The following SLC24A2 variants were observed in gnomAD, a reference collection of about 807,000 sequenced individuals.
SLC24A2 encodes the protein sodium/potassium/calcium exchanger 2.
In SLC24A2, 36 loss-of-function variants were observed where a neutral mutation model predicts 62.0. That is an observed-to-expected ratio of 0.58 (90% CI 0.44 to 0.77). The LOEUF is 0.77. SLC24A2 is among the 30% of genes least tolerant of loss of function. The probability of loss-of-function intolerance (pLI) is 0.00; values close to 1 mark genes in which losing one functional copy is unlikely to be tolerated. For synonymous variants in SLC24A2, 358 were observed against 294.0 expected (o/e 1.22, Z -2.23); for missense variants, 846 against 817.9 (o/e 1.03, Z -0.42).
chr9:19,575,827 A>C (rs1835994136), intron 6 of SLC24A2, among the ~76,000 whole-genome samples: 1 of 152,256 alleles, frequency 6.6e-6, no homozygotes, highest in African/African-American at 2.4e-5. Flanking sequence ...CAGAAAAAAT[A>C]GCTTGTGTAG....
chr9:20,254,360 C>G, the SLC24A2 span, among the ~76,000 whole-genome samples: 1 of 152,170 alleles, frequency 6.6e-6, no homozygotes, highest in African/African-American at 2.4e-5. Flanking sequence ...GTTTAGCACC[C>G]ACTGTGTGCC....
chr9:19,970,046 C>G, the SLC24A2 span, among the ~76,000 whole-genome samples: 1 of 152,180 alleles, frequency 6.6e-6, no homozygotes, highest in Non-Finnish European at 1.5e-5. Context: ...CTCTACCTGA[C>G]CTTATTCAGC....
chr9:20,017,840 C>T, the SLC24A2 span, among the ~76,000 whole-genome samples: 1 of 152,154 alleles, frequency 6.6e-6, no homozygotes, highest in Non-Finnish European at 1.5e-5. Context: ...TAGATGGTGC[C>T]CACCCAGATT....
At chr9:19,965,149 G>A in the SLC24A2 span, among the ~76,000 whole-genome samples, 2 of 152,086 alleles carry the variant, frequency 1.3e-5, no homozygotes, top group African/African-American at 2.4e-5. Flanking sequence ...GAGTGGAAGA[G>A]AAAAGGTAGA....
chr9:20,248,588 C>G, the SLC24A2 span, among the ~76,000 whole-genome samples: 2 of 152,148 alleles, frequency 1.3e-5, no homozygotes, highest in Non-Finnish European at 2.9e-5. Flanking sequence ...ATGAGGGCTC[C>G]ACCCTCATGA....
At chr9:19,824,130 A>C in the SLC24A2 span, among the ~76,000 whole-genome samples, 1 of 152,224 alleles carries the variant, frequency 6.6e-6, no homozygotes, top group African/African-American at 2.4e-5. Flanking sequence ...TTCATGTCTA[A>C]AACACCAAAA....
At chr9:19,810,473 G>C in the SLC24A2 span, among the ~76,000 whole-genome samples, 2 of 152,358 alleles carry the variant, frequency 1.3e-5, no homozygotes, top group South Asian at 4.1e-4. Flanking sequence ...AATAGGAACT[G>C]TATCAGGAAC....
At chr9:19,579,579 T>C (rs1836142549) in intron 5 of SLC24A2, among the ~76,000 whole-genome samples, 1 of 152,162 alleles carries the variant, frequency 6.6e-6, no homozygotes, top group African/African-American at 2.4e-5. Context: ...ATCCTGCCAC[T>C]CTAAGAAATA....
chr9:20,149,499 C>T, the SLC24A2 span, among the ~76,000 whole-genome samples: 28 of 87,064 alleles, frequency 3.2e-4, no homozygotes, highest in African/African-American at 1.2e-3. Flanking sequence ...GTAATGGGCT[C>T]GATGATAAAT....
intron 5 of SLC24A2, among the ~76,000 whole-genome samples, chr9:19,590,724 T>G (rs913268973): frequency 6.6e-6 from 1 of 152,080 alleles, no homozygotes; most frequent in Non-Finnish European, 1.5e-5. Context: ...CCCAGCTCGT[T>G]TTGTCCTCAT....
the SLC24A2 span, among the ~76,000 whole-genome samples, chr9:20,157,910 T>A: frequency 0.79 from 120,363 of 151,420 alleles, 49,261 homozygotes; most frequent in Non-Finnish European, 0.91. Context: ...TATCTATGAA[T>A]CAAATCTAAA....
At chr9:19,914,151 T>C in the SLC24A2 span, among the ~76,000 whole-genome samples, 6 of 152,100 alleles carry the variant, frequency 3.9e-5, no homozygotes, top group Non-Finnish European at 5.9e-5. Flanking sequence ...CTTTCAGATC[T>C]TACTTTTTGT....
the SLC24A2 span, among the ~76,000 whole-genome samples, chr9:19,949,163 T>C: frequency 2.0e-5 from 3 of 151,940 alleles, no homozygotes; most frequent in Non-Finnish European, 4.4e-5. Context: ...CTGGCTAATT[T>C]TTATATTTTT....
chr9:19,802,215 A>AC, the SLC24A2 span, among the ~76,000 whole-genome samples: 1 of 152,190 alleles, frequency 6.6e-6, no homozygotes, highest in Non-Finnish European at 1.5e-5. Flanking sequence ...AACAATGCAG[A>AC]TACGTTGTGT....
chr9:19,747,113 C>A (rs1023532498), intron 2 of SLC24A2, among the ~76,000 whole-genome samples: 26 of 152,122 alleles, frequency 1.7e-4, no homozygotes, highest in African/African-American at 3.9e-4. Context: ...AACCAACAAT[C>A]AATCTACTAC....
intron 2 of SLC24A2, among the ~76,000 whole-genome samples, chr9:19,779,569 G>C (rs1237323473): frequency 1.3e-5 from 2 of 152,006 alleles, no homozygotes; most frequent in Non-Finnish European, 1.5e-5. Flanking sequence ...ACTATTAACA[G>C]ATTAAGAAAC....
intron 7 of SLC24A2, among the ~76,000 whole-genome samples, chr9:19,571,148 T>G (rs1410430054): frequency 6.6e-6 from 1 of 152,082 alleles, no homozygotes; most frequent in African/African-American, 2.4e-5. Flanking sequence ...CAGCCAGATG[T>G]CCTTGGGGCC....
At chr9:19,806,103 G>T in the SLC24A2 span, among the ~76,000 whole-genome samples, 1 of 152,056 alleles carries the variant, frequency 6.6e-6, no homozygotes, top group African/African-American at 2.4e-5. Flanking sequence ...TGACTAAAAA[G>T]AGTTAATTTT....
the SLC24A2 span, among the ~76,000 whole-genome samples, chr9:20,220,789 T>C: frequency 6.6e-6 from 1 of 152,142 alleles, no homozygotes; most frequent in African/African-American, 2.4e-5. Context: ...CTACAGTTCT[T>C]CTTTGAGATA....
Sources: gnomAD v4.1 joint callset for allele counts (sites outside exome capture counted in the v4.1 genomes callset) on GRCh38, gnomAD v4.1.1 for gene constraint, MANE v1.5 for transcripts, NCBI Gene and HGNC (gene_info 2026-07-23, HGNC 2026-07-21) for gene names.